Variants in MCTP1 observed in about 807,000 individuals in gnomAD.
MCTP1 encodes the protein multiple C2 and transmembrane domain containing 1.
In MCTP1, 69 loss-of-function variants were observed where a neutral mutation model predicts 120.6. The observed-to-expected ratio is 0.57, with a 90% confidence interval of 0.47 to 0.70. MCTP1 has a LOEUF of 0.70. Ranked by LOEUF, MCTP1 falls within the 30% of genes least tolerant of loss-of-function variation. The probability of loss-of-function intolerance (pLI) is 0.00; values close to 1 mark genes in which losing one functional copy is unlikely to be tolerated. For synonymous variants in MCTP1, 529 were observed against 493.1 expected (o/e 1.07, Z -0.96); for missense variants, 1,203 against 1,248.8 (o/e 0.96, Z 0.55).
chr5:94,978,515 A>C (rs1828630125), intron 2 of MCTP1, among the ~76,000 whole-genome samples: 1 of 152,176 alleles, frequency 6.6e-6, no homozygotes, highest in African/African-American at 2.4e-5. Context: ...ATGGAATATT[A>C]TTCAGACTGA....
chr5:95,162,397 G>C (rs1022766280), intron 1 of MCTP1, among the ~76,000 whole-genome samples: 1 of 152,116 alleles, frequency 6.6e-6, no homozygotes, highest in Non-Finnish European at 1.5e-5. Context: ...TAACTTGTAG[G>C]AGAGGAAACC....
chr5:94,836,209 A>G (rs977778668), intron 17 of MCTP1, among the ~76,000 whole-genome samples: 2 of 149,186 alleles, frequency 1.3e-5, no homozygotes, highest in East Asian at 2.0e-4. Context: ...AAAAAAAACC[A>G]AAGAGAGAGA....
chr5:95,141,109 G>A (rs1042736656), intron 1 of MCTP1, among the ~76,000 whole-genome samples: 1 of 151,942 alleles, frequency 6.6e-6, no homozygotes, highest in African/African-American at 2.4e-5. Context: ...CCTTAAAGAC[G>A]GGGTTATACT....
intron 17 of MCTP1, among the ~76,000 whole-genome samples, chr5:94,813,883 C>T (rs927672164): frequency 5.9e-5 from 9 of 152,108 alleles, no homozygotes; most frequent in Non-Finnish European, 1.3e-4. Flanking sequence ...ACACTACTGA[C>T]ACATTCTACA....
At chr5:95,240,276 C>A (rs1245480606) in intron 1 of MCTP1, among the ~76,000 whole-genome samples, 1 of 152,136 alleles carries the variant, frequency 6.6e-6, no homozygotes, top group East Asian at 1.9e-4. Flanking sequence ...CAATGCTTAC[C>A]TGCATTTAAA....
chr5:94,864,759 G>A (rs114819841), intron 17 of MCTP1, among the ~76,000 whole-genome samples: 1,710 of 151,898 alleles, frequency 0.011, 14 homozygotes, highest in South Asian at 0.023. Context: ...ATTCTTTGAC[G>A]CACACTGAAG....
intron 17 of MCTP1, among the ~76,000 whole-genome samples, chr5:94,864,293 G>A (rs1412025693): frequency 6.6e-6 from 1 of 151,858 alleles, no homozygotes; most frequent in Non-Finnish European, 1.5e-5. Context: ...ACTTTGAGGA[G>A]TTGACATCCC....
chr5:95,069,179 T>C (rs920365063), intron 1 of MCTP1, among the ~76,000 whole-genome samples: 5 of 152,156 alleles, frequency 3.3e-5, no homozygotes, highest in Admixed American at 1.3e-4. Context: ...GGTGGGGTGA[T>C]GGTGAGTTAC....
chr5:94,942,294 C>A (rs1817907002), intron 4 of MCTP1, 54 bp downstream of exon 4: 1 of 1,335,684 alleles, frequency 7.5e-7, no homozygotes, highest in African/African-American at 1.4e-5. Context: ...TTTTCTGTTA[C>A]ACAAGCCCAC....
chr5:94,784,206 A>G (rs1423642390), intron 18 of MCTP1, among the ~76,000 whole-genome samples: 2 of 152,078 alleles, frequency 1.3e-5, no homozygotes, highest in Non-Finnish European at 2.9e-5. Flanking sequence ...TTTCTACCCT[A>G]GAGATACGGA....
intron 1 of MCTP1, among the ~76,000 whole-genome samples, chr5:95,083,605 T>C (rs1181761833): frequency 1.3e-5 from 2 of 152,166 alleles, no homozygotes; most frequent in East Asian, 1.9e-4. Flanking sequence ...TTGGTTGTTG[T>C]ATCTGCTACC....
chr5:94,864,908 A>C (rs985741995), intron 17 of MCTP1, among the ~76,000 whole-genome samples: 2 of 151,848 alleles, frequency 1.3e-5, no homozygotes, highest in Non-Finnish European at 2.9e-5. Context: ...CAAGAACACA[A>C]ATGTCTAGTC....
chr5:95,088,469 C>T (rs887581994), intron 1 of MCTP1, among the ~76,000 whole-genome samples: 1 of 152,222 alleles, frequency 6.6e-6, no homozygotes, highest in African/African-American at 2.4e-5. Flanking sequence ...TCTGTGCTTG[C>T]CATAGACCAT....
At chr5:95,179,185 G>A (rs956135007) in intron 1 of MCTP1, among the ~76,000 whole-genome samples, 20 of 152,130 alleles carry the variant, frequency 1.3e-4, no homozygotes, top group Admixed American at 1.2e-3. Context: ...GACTATGTTA[G>A]GCATCCAAAC....
chr5:95,168,758 AC>A (rs1324893841), intron 1 of MCTP1, among the ~76,000 whole-genome samples: 3 of 152,220 alleles, frequency 2.0e-5, no homozygotes, highest in African/African-American at 7.2e-5. Context: ...TTATCCCGAG[AC>A]TTTGCTGAAG....
chr5:95,041,062 T>C lies in MCTP1; in HGVS notation c.721-23578A>G, dbSNP rs1030420843. Among the ~76,000 whole-genome samples the C allele has an allele frequency of 6.6e-5, 10 of 152,198 alleles. No individual in the cohort carries two copies. In the South Asian group the frequency reaches 8.3e-4, roughly 13 times the overall value. ...GATCCAATAGATTCCCTTTATAATT[T>C]AAGTCAGTTCGAGTTTTTTTTTGTT... On this transcript the variant is annotated intron_variant, in intron 1 of 22. Coordinates refer to ENST00000515393, the MANE Select transcript of MCTP1 (RefSeq NM_024717.7).
chr5:95,224,774 T>G (rs1026499153), intron 1 of MCTP1, among the ~76,000 whole-genome samples: 2 of 152,174 alleles, frequency 1.3e-5, no homozygotes, highest in African/African-American at 2.4e-5. Flanking sequence ...TCTCCCAAAG[T>G]GCTGGGGATT....
At chr5:95,022,860 G>A (rs1581888844) in intron 1 of MCTP1, among the ~76,000 whole-genome samples, 1 of 152,146 alleles carries the variant, frequency 6.6e-6, no homozygotes, top group Non-Finnish European at 1.5e-5. Flanking sequence ...GTAATATACT[G>A]AAGGTATGAA....
intron 2 of MCTP1, among the ~76,000 whole-genome samples, chr5:95,001,769 A>G (rs1283188275): frequency 2.0e-5 from 3 of 152,224 alleles, no homozygotes; most frequent in Non-Finnish European, 4.4e-5. Context: ...ATGATGCCAT[A>G]GAAAAGAAAA....
Sources: allele counts gnomAD v4.1 joint callset (sites outside exome capture counted in the v4.1 genomes callset), GRCh38; gene constraint gnomAD v4.1.1; transcripts MANE v1.5; gene names NCBI Gene and HGNC (gene_info 2026-07-23, HGNC 2026-07-21).